Variants in GATA3 observed in about 807,000 individuals in gnomAD.
GATA3 encodes the protein trans-acting T-cell-specific transcription factor GATA-3.
GATA3 carries 6 observed loss-of-function variants against 36.0 expected under a neutral mutation model. The ratio of observed to expected loss-of-function variants is 0.17; its 90% confidence interval spans 0.09 to 0.33. GATA3 has a LOEUF of 0.33. Among genes scored for constraint, GATA3 ranks in the 10% least tolerant of loss-of-function variants. The pLI is 1.00. For missense variants in GATA3, 514 were observed against 610.1 expected (o/e 0.84, Z 1.66); for synonymous variants, 326 against 273.0 (o/e 1.19, Z -1.92).
chr10:8,069,337 G>T (rs1483050349), intron 4 of GATA3, 136 bp from the exon 5 acceptor site: 1 of 903,286 alleles, frequency 1.1e-6, no homozygotes, highest in Middle Eastern at 2.2e-4. Context: ...TTACTTTCAT[G>T]TGGACCACTT....
chr10:8,064,476 G>C (rs1832803722), intron 4 of GATA3, among the ~76,000 whole-genome samples: 1 of 152,122 alleles, frequency 6.6e-6, no homozygotes, highest in African/African-American at 2.4e-5. Flanking sequence ...AACAGGACCA[G>C]AGCAGCTGGT....
rs406103 is a variant in GATA3 at position 8,069,658 on chromosome 10, C to T, written c.1050+60C>T. The T allele has an allele frequency of 0.23, 358,801 of 1,588,650 alleles. 42,160 individuals are homozygous for T. Among genetic ancestry groups the T allele is most frequent in the African/African-American group, 0.38 (28,588 of 74,446 alleles). ...CTTCCTGATGGTGACCAGCAAACAG[C>T]GTCACCACCACCCTCTCCAAGTGAA... On this transcript the variant is annotated intron_variant, in intron 5 of 5. Transcript: ENST00000379328.
chr10:8,054,080 C>T (rs1170704016), upstream of GATA3, among the ~76,000 whole-genome samples: 1 of 152,188 alleles, frequency 6.6e-6, no homozygotes, highest in East Asian at 1.9e-4. The surrounding 1 kb of genome is among the most constrained non-coding windows in gnomAD (Gnocchi z 4.2). Context: ...ACGCTCCAGT[C>T]AAAGGCATCT....
upstream of GATA3, among the ~76,000 whole-genome samples, chr10:8,049,503 C>A (rs1254964406): frequency 1.3e-5 from 2 of 152,334 alleles, no homozygotes; most frequent in East Asian, 3.9e-4. Context: ...GTGGCAGAGA[C>A]AGAGATAATA....
intron 4 of GATA3, among the ~76,000 whole-genome samples, chr10:8,066,819 A>G (rs1832851278): frequency 6.6e-6 from 1 of 152,200 alleles, no homozygotes; most frequent in Admixed American, 6.5e-5. Flanking sequence ...AGAGACCCTA[A>G]GTTCCCATAA....
chr10:8,067,612 A>T (rs1046236161), intron 4 of GATA3, among the ~76,000 whole-genome samples: 2 of 152,196 alleles, frequency 1.3e-5, no homozygotes, highest in East Asian at 1.9e-4. Flanking sequence ...AGGTCAGGAG[A>T]TAGAGACCAT....
chr10:8,054,031 C>G (rs951972912), upstream of GATA3, among the ~76,000 whole-genome samples: 1 of 152,154 alleles, frequency 6.6e-6, no homozygotes, highest in Non-Finnish European at 1.5e-5. This position sits in a 1 kb window ranked among gnomAD's most constrained non-coding sequence, Gnocchi z 4.2. Context: ...GCGCAGAAGG[C>G]TCGGGAAAGA....
chr10:8,061,218 G>A (rs1281130537), intron 3 of GATA3, among the ~76,000 whole-genome samples: 1 of 152,126 alleles, frequency 6.6e-6, no homozygotes, highest in Non-Finnish European at 1.5e-5. Flanking sequence ...CTGTCTTAAC[G>A]CCTGGGCTTT....
rs550401596 is a variant in GATA3, at chr10:8,072,705, C to T, written c.1051-1034C>T. On this transcript the variant is annotated intron_variant, in intron 5 of 5. Transcript: ENST00000379328. ...TGGTCTTTCCTTTTCAAGATGAGTG[C>T]CCTTTTGTGCTTTGCACCCCATAGG... Among the ~76,000 whole-genome samples the T allele has an allele frequency of 1.1e-4, 17 of 152,206 alleles. No individual in the cohort carries two copies. The South Asian group carries it at 3.3e-3, about 30-fold the overall frequency.
chr10:8,073,912 G>A lies in GATA3; in HGVS notation c.1224G>A (p.Ser408=), dbSNP rs144824106. The A allele has an allele frequency of 1.6e-5, 26 of 1,613,938 alleles. No individual in the cohort carries two copies. In the South Asian group the frequency reaches 2.4e-4, roughly 15 times the overall value. Residue 408 remains serine, a synonymous_variant, in exon 6 of 6, where the codon TCG becomes TCA. Coordinates refer to ENST00000379328, the MANE Select transcript of GATA3 (RefSeq NM_001002295.2). ...ACATGTCCTCCCTGAGCCACATCTCGCCCTTCAGCCACTCCAGCCACATGC... is the reference window on the plus strand; with the variant it reads ...ACATGTCCTCCCTGAGCCACATCTCACCCTTCAGCCACTCCAGCCACATGC... ...SRHMSSLSHI[S]PFSHSSHMLT...
At chr10:8,066,840 A>G (rs1305348166) in intron 4 of GATA3, among the ~76,000 whole-genome samples, 2 of 152,200 alleles carry the variant, frequency 1.3e-5, no homozygotes, top group Non-Finnish European at 2.9e-5. Context: ...AGTTTGTAGT[A>G]CTGGAAGCAT....
chr10:8,070,663 A>G (rs538363665), intron 5 of GATA3, among the ~76,000 whole-genome samples: 106 of 152,188 alleles, frequency 7.0e-4, no homozygotes, highest in Middle Eastern at 3.4e-3. Context: ...TTGGGGAGGA[A>G]GCTTTTCTGG....
chr10:8,066,747 G>A (rs2131506890), intron 4 of GATA3, among the ~76,000 whole-genome samples: 1 of 152,296 alleles, frequency 6.6e-6, no homozygotes, highest in South Asian at 2.1e-4. Context: ...ACTAGTGAGA[G>A]GCTGAGCTGC....
Position 8,058,794 on chromosome 10 carries a change from C to T in GATA3, c.731C>T (p.Pro244Leu), listed in dbSNP as rs978975213. The change falls in exon 3 of 6, where the codon CCC becomes CTC. Residue 244 changes from proline (P) to leucine (L), a missense_variant. Physicochemically the swap from Pro to Leu is moderately conservative, Grantham distance 98. This residue lies in a region of GATA3 where 381 missense variants were observed against 354.3 expected (regional missense o/e 1.08). Transcript: ENST00000379328. ...FPPSSLLGGSPTGFGCKSRPK... is the reference protein window; with the variant it reads ...FPPSSLLGGSLTGFGCKSRPK... ...CCCAGCAGCCTGCTGGGCGGCTCCCCCACCGGCTTCGGATGCAAGTCCAGG... is the reference window on the plus strand; with the variant it reads ...CCCAGCAGCCTGCTGGGCGGCTCCCTCACCGGCTTCGGATGCAAGTCCAGG... The T allele has an allele frequency of 2.5e-6, 4 of 1,608,206 alleles. No homozygotes were observed. The highest frequency in any genetic ancestry group is 3.4e-6 in the Non-Finnish European group (4 of 1,179,812).
At chr10:8,048,808 C>T (rs1832423929), upstream of GATA3, among the ~76,000 whole-genome samples, 1 of 152,238 alleles carries the variant, frequency 6.6e-6, no homozygotes, top group Admixed American at 6.5e-5. Flanking sequence ...TGCCCTCTCC[C>T]TTCCTGTCTC....
At chr10:8,064,603 G>A (rs377307882) in intron 4 of GATA3, among the ~76,000 whole-genome samples, 5 of 152,164 alleles carry the variant, frequency 3.3e-5, no homozygotes, top group African/African-American at 4.8e-5. Flanking sequence ...TCCCAGGAAG[G>A]ATTACAGACT....
intron 1 of GATA3, chr10:8,045,532 C>T (rs1832376964): frequency 6.6e-6 from 1 of 152,338 alleles, no homozygotes; most frequent in African/African-American, 2.4e-5. Flanking sequence ...GAATATCACT[C>T]TCTTCCCTCT....
intron 4 of GATA3, among the ~76,000 whole-genome samples, chr10:8,068,397 A>C (rs1356066329): frequency 1.3e-5 from 2 of 152,154 alleles, no homozygotes; most frequent in African/African-American, 4.8e-5. Context: ...TTGGTGAATC[A>C]AATTTAGGTG....
intron 2 of GATA3, among the ~76,000 whole-genome samples, chr10:8,057,088 T>C (rs954414476): frequency 1.3e-5 from 2 of 152,152 alleles, no homozygotes; most frequent in Admixed American, 1.3e-4. Flanking sequence ...GGATCAGCAG[T>C]TAGGTGGAAA....
Sources: allele counts gnomAD v4.1 joint callset (sites outside exome capture counted in the v4.1 genomes callset), GRCh38; gene constraint gnomAD v4.1.1; regional missense constraint gnomAD v4.1.1; non-coding constraint Gnocchi (gnomAD v3.1); transcripts MANE v1.5; gene names NCBI Gene and HGNC (gene_info 2026-07-23, HGNC 2026-07-21).